STRIP1: variants seen among roughly 807,000 people sequenced by gnomAD.
The protein encoded by STRIP1 is striatin-interacting protein 1.
A neutral mutation model predicts 106.2 loss-of-function variants in STRIP1; 63 were observed. The observed-to-expected ratio is 0.59, with a 90% confidence interval of 0.48 to 0.73. The LOEUF (loss-of-function observed/expected upper bound fraction) is 0.73, where lower values mean the gene tolerates loss of function less well. Among genes scored for constraint, STRIP1 ranks in the 30% least tolerant of loss-of-function variants. The pLI is 0.00. For synonymous variants in STRIP1, 390 were observed against 413.0 expected (o/e 0.94, Z 0.67); for missense variants, 857 against 1,074.8 (o/e 0.80, Z 2.83).
chr1:110,050,524 G>A, intron 18 of STRIP1, 115 bp downstream of exon 18: 1 of 986,774 alleles, frequency 1.0e-6, no homozygotes, highest in South Asian at 1.4e-5. Flanking sequence ...AAATCACTGT[G>A]GAGTGCCCGG....
chr1:110,053,755 C>A lies in STRIP1; in HGVS notation c.2357C>A (p.Ala786Asp). The A allele has an allele frequency of 6.2e-7, 1 of 1,614,152 alleles. No homozygotes were observed. The highest frequency in any genetic ancestry group is 1.1e-5 in the South Asian group (1 of 91,082). Residue 786 changes from alanine (A) to aspartate (D), a missense_variant, in exon 21 of 21, where the codon GCC (alanine) becomes GAC (aspartate). Transcript: ENST00000369795. ...TTCAACGCCCGGCGCTATGACCGGG[C>A]CCACAGCAACCCTGACTTCCTGCCA... is the stretch of plus-strand genomic sequence containing the variant. ...ERFNARRYDRAHSNPDFLPVD... is the reference protein window; with the variant it reads ...ERFNARRYDRDHSNPDFLPVD...
At chr1:110,044,379 G>A (rs1652920672) in intron 10 of STRIP1, among the ~76,000 whole-genome samples, 2 of 152,308 alleles carry the variant, frequency 1.3e-5, no homozygotes, top group African/African-American at 4.8e-5. Context: ...TCTTGATCCA[G>A]GTAAAGCCTC....
chr1:110,041,029 A>G (rs1230243722), intron 6 of STRIP1: 1 of 236,198 alleles, frequency 4.2e-6, no homozygotes, highest in African/African-American at 2.3e-5. Flanking sequence ...TGTTCCCTGG[A>G]CTCCCACCTT....
chr1:110,037,782 A>T, intron 1 of STRIP1, 109 bp from the exon 2 acceptor site: 1 of 731,414 alleles, frequency 1.4e-6, no homozygotes, highest in South Asian at 1.6e-5. Context: ...GAAAAAACAT[A>T]AAAAAGTGGA....
chr1:110,041,405 G>A, intron 6 of STRIP1, 131 bp from the exon 7 acceptor site: 1 of 652,794 alleles, frequency 1.5e-6, no homozygotes, highest in East Asian at 2.8e-5. Context: ...GGCCATTCTT[G>A]TTCATACTCA....
At position 110,054,277 on chromosome 1, in the gene STRIP1, G is replaced by T. The variant is rs1043336642; in HGVS notation, c.*365G>T. 9 of 229,376 alleles carry T rather than the reference G, an allele frequency of 3.9e-5. No homozygotes were observed. Among genetic ancestry groups the T allele is most frequent in the Non-Finnish European group, 7.0e-5 (8 of 114,268 alleles). The allele number at this position is 229,376 out of a possible 1,614,324, so 14.2% of individuals were successfully genotyped here. On this transcript the variant is annotated 3_prime_UTR_variant, in exon 21 of 21. Transcript: ENST00000369795. ...TTCAGGGGTCATGCTGATGCCTCTC[G>T]AGACATACAAATCCTTGCTTTGTCA...
At position 110,039,283 on chromosome 1, in the gene STRIP1, G is replaced by C; in HGVS notation, c.437G>C (p.Arg146Pro). The C allele has an allele frequency of 1.2e-6, 2 of 1,614,140 alleles. No homozygotes were observed. Among genetic ancestry groups the C allele is most frequent in the Non-Finnish European group, 1.7e-6 (2 of 1,180,018 alleles). ...TAREKRLKVARAILYVAQGTF... is the reference protein window; with the variant it reads ...TAREKRLKVAPAILYVAQGTF... ...AGGGAGAAGAGACTCAAGGTGGCTC[G>C]AGCAATTCTCTATGTTGCTCAAGGT... Residue 146 changes from arginine to proline, a missense_variant, in exon 4 of 21, where the codon CGA becomes CCA. Around this residue, in one of 2 missense-constraint regions of STRIP1, gnomAD observed 750 missense variants for 989.8 expected, o/e 0.76. Coordinates refer to ENST00000369795, the MANE Select transcript of STRIP1 (RefSeq NM_033088.4).
At chr1:110,046,821 G>A in intron 13 of STRIP1, 70 bp downstream of exon 13, 1 of 1,178,464 alleles carries the variant, frequency 8.5e-7, no homozygotes, top group South Asian at 1.2e-5. Flanking sequence ...GGAGGCCGAG[G>A]AGGGCAGATC....
rs757192275 is a variant in STRIP1 at position 110,041,862 on chromosome 1, G to C, written c.885+1G>C. On this transcript the variant is annotated splice_donor_variant, in intron 8 of 20. Coordinates refer to ENST00000369795, the MANE Select transcript of STRIP1 (RefSeq NM_033088.4). LOFTEE classifies it high-confidence loss of function. ...CTTGCTGCTCTGGAAGACAGTATTG[G>C]TGAGCACCTCCTTGGAGGAGGAGAA... The C allele has an allele frequency of 1.2e-6, 2 of 1,614,124 alleles. No homozygotes were observed. The highest frequency in any genetic ancestry group is 1.7e-6 in the Non-Finnish European group (2 of 1,179,994).
chr1:110,054,125 G>C lies in STRIP1; in HGVS notation c.*213G>C. The C allele has an allele frequency of 3.5e-6, 2 of 575,120 alleles. No homozygotes were observed. The highest frequency in any genetic ancestry group is 4.2e-5 in the South Asian group (2 of 47,656). 35.6% of individuals were successfully genotyped at this position (575,120 alleles called of 1,614,324 possible). Reference sequence around the variant, plus strand: ...CTCCGAAGCAGTCATCTCTGCCTGAGATCCATTCTTCCTTTACTTCCCCCA... The same window carrying C: ...CTCCGAAGCAGTCATCTCTGCCTGACATCCATTCTTCCTTTACTTCCCCCA... On this transcript the variant is annotated 3_prime_UTR_variant, in exon 21 of 21. Transcript: ENST00000369795.
At position 110,054,122 on chromosome 1, in the gene STRIP1, T is replaced by C; in HGVS notation, c.*210T>C. On this transcript the variant is annotated 3_prime_UTR_variant, in exon 21 of 21. Transcript: ENST00000369795. ...CTGCTCCGAAGCAGTCATCTCTGCC[T>C]GAGATCCATTCTTCCTTTACTTCCC... 5.2e-6 allele frequency: 3 copies of C among 576,966 alleles called. No individual in the cohort carries two copies. The highest frequency in any genetic ancestry group is 6.1e-6 in the Non-Finnish European group (2 of 325,430). The allele number at this position is 576,966 out of a possible 1,614,324, so 35.7% of individuals were successfully genotyped here.
At chr1:110,051,600 A>C in intron 19 of STRIP1, 83 bp from the exon 20 acceptor site, 1 of 1,376,226 alleles carries the variant, frequency 7.3e-7, no homozygotes. Flanking sequence ...GTAACTTCCA[A>C]AGGGTTAAGC....
At chr1:110,050,881 T>C (rs145494406) in intron 18 of STRIP1, 75 bp from the exon 19 acceptor site, 76 of 853,598 alleles carry the variant, frequency 8.9e-5, no homozygotes, top group African/African-American at 5.0e-4. Flanking sequence ...CCTGAGATCA[T>C]GTGTGAGGGA....
Position 110,048,528 on chromosome 1 carries a change from G to T in STRIP1, c.1662-584G>T, listed in dbSNP as rs538522440. 2.6e-5 allele frequency among the ~76,000 whole-genome samples: 4 copies of T among 152,346 alleles called. No homozygotes were observed. The East Asian group carries it at 5.8e-4, about 22-fold the overall frequency. On this transcript the variant is annotated intron_variant, in intron 15 of 20. Coordinates refer to ENST00000369795, the MANE Select transcript of STRIP1 (RefSeq NM_033088.4). Reference sequence around the variant, plus strand: ...GATGGCCGGCTGAGGGAGGAGGCAGGGGTTGGCTAACACCAGAGGGAGGAT... The same window carrying T: ...GATGGCCGGCTGAGGGAGGAGGCAGTGGTTGGCTAACACCAGAGGGAGGAT...
rs1049215077 is a variant in STRIP1 at position 110,041,835 on chromosome 1, C to A, written c.859C>A (p.Leu287Ile). 5 of 1,614,058 alleles carry A rather than the reference C, an allele frequency of 3.1e-6. No homozygotes were observed. The highest frequency in any genetic ancestry group is 1.3e-5 in the African/African-American group (1 of 74,918). ...CCCTCACTTTCCCATGAAGAAAGTT[C>A]TCTTGCTGCTCTGGAAGACAGTATT... ...HAPHFPMKKV[L>I]LLLWKTVLCT... Residue 287 changes from leucine to isoleucine, a missense_variant, in exon 8 of 21, where the codon CTC (leucine) becomes ATC (isoleucine). Physicochemically the swap from Leu to Ile is conservative, Grantham distance 5. Coordinates refer to ENST00000369795, the MANE Select transcript of STRIP1 (RefSeq NM_033088.4).
intron 17 of STRIP1, 73 bp from the exon 18 acceptor site, chr1:110,050,270 C>T (rs1044976364): frequency 2.4e-5 from 35 of 1,481,616 alleles, no homozygotes; most frequent in Non-Finnish European, 3.1e-5. Context: ...TGGGAGCTGG[C>T]TCAGGCACGG....
chr1:110,050,735 T>C (rs557710549), intron 18 of STRIP1, among the ~76,000 whole-genome samples: 6 of 152,312 alleles, frequency 3.9e-5, no homozygotes, highest in South Asian at 4.1e-4. Context: ...GCTCCCAGTA[T>C]CATGGTTCAT....
rs1194457735 is a variant in STRIP1, at chr1:110,053,705, T to C, written c.2307T>C (p.Cys769=). 2 of 1,614,152 alleles carry C rather than the reference T, an allele frequency of 1.2e-6. No homozygotes were observed. The highest frequency in any genetic ancestry group is 2.2e-5 in the East Asian group (1 of 44,880). The part of the protein sequence containing the change: ...ARPWDFQAEE[C]ALRANIERFN... ...CTTGGGACTTCCAGGCAGAGGAGTG[T>C]GCCCTTCGTGCCAACATTGAACGCT... Residue 769 remains cysteine, a synonymous_variant, in exon 21 of 21, where the codon TGT becomes TGC. Transcript: ENST00000369795.
At chr1:110,048,384 C>T (rs781276029) in intron 15 of STRIP1, 16 of 161,316 alleles carry the variant, frequency 9.9e-5, no homozygotes, top group Non-Finnish European at 1.8e-4. Flanking sequence ...TGTGAGAGTC[C>T]AGATTGAGAT....
Sources: allele counts gnomAD v4.1 joint callset (sites outside exome capture counted in the v4.1 genomes callset), GRCh38; gene constraint gnomAD v4.1.1; regional missense constraint gnomAD v4.1.1; transcripts MANE v1.5; gene names NCBI Gene and HGNC (gene_info 2026-07-23, HGNC 2026-07-21).